CUBN: variants seen among roughly 807,000 people sequenced by gnomAD.
The protein encoded by CUBN is 460 kDa receptor.
In CUBN, 282 loss-of-function variants were observed where a neutral mutation model predicts 405.3. That is an observed-to-expected ratio of 0.70 (90% CI 0.63 to 0.77). The LOEUF (loss-of-function observed/expected upper bound fraction) is 0.77. Among genes scored for constraint, CUBN ranks in the 30% least tolerant of loss-of-function variants. The pLI, the probability that CUBN is intolerant of heterozygous loss-of-function variation, is 0.00. For synonymous variants in CUBN, 1,684 were observed against 1,617.0 expected, an observed-to-expected ratio of 1.04 and a Z score of -0.99; for missense variants, 4,514 against 4,475.2, an observed-to-expected ratio of 1.01 and a Z score of -0.25.
intron 59 of CUBN, among the ~76,000 whole-genome samples, chr10:16,862,811 T>C (rs1246648706): frequency 6.6e-6 from 1 of 152,236 alleles, no homozygotes; most frequent in East Asian, 1.9e-4. Context: ...GGTCGCGTCT[T>C]GTGTTTTAGA....
chr10:16,933,879 G>A (rs905401754), intron 39 of CUBN, among the ~76,000 whole-genome samples: 2 of 152,100 alleles, frequency 1.3e-5, no homozygotes, highest in East Asian at 3.9e-4. Context: ...TGCCTTGCAC[G>A]GTTGTGATGT....
At chr10:16,918,980 T>C (rs1841964868) in intron 44 of CUBN, among the ~76,000 whole-genome samples, 180 bp from the exon 45 acceptor site, 1 of 152,238 alleles carries the variant, frequency 6.6e-6, no homozygotes, top group Admixed American at 6.5e-5. Flanking sequence ...TTCCTAATAA[T>C]ACATTCTTTT....
At chr10:16,871,108 A>G (rs1840339781) in intron 58 of CUBN, among the ~76,000 whole-genome samples, 1 of 150,398 alleles carries the variant, frequency 6.6e-6, no homozygotes, top group South Asian at 2.1e-4. Flanking sequence ...GCTCACTGCA[A>G]CCTCTGCCTC....
At chr10:16,848,484 T>A (rs1404662991) in intron 60 of CUBN, among the ~76,000 whole-genome samples, 2 of 152,154 alleles carry the variant, frequency 1.3e-5, no homozygotes, top group African/African-American at 4.8e-5. Flanking sequence ...CCTTTCACAG[T>A]AGGTACTATT....
intron 64 of CUBN, among the ~76,000 whole-genome samples, chr10:16,834,569 C>A (rs538505738): frequency 6.6e-6 from 1 of 152,338 alleles, no homozygotes; most frequent in Non-Finnish European, 1.5e-5. Flanking sequence ...CCCAAACTTA[C>A]TGTAGCTGTC....
At chr10:16,837,792 C>T (rs955790390) in intron 62 of CUBN, among the ~76,000 whole-genome samples, 1 of 152,126 alleles carries the variant, frequency 6.6e-6, no homozygotes, top group Non-Finnish European at 1.5e-5. Context: ...CTACCCAGTC[C>T]GAAACCCTTG....
chr10:17,118,300 C>G (rs1836951429), intron 6 of CUBN, among the ~76,000 whole-genome samples: 1 of 152,086 alleles, frequency 6.6e-6, no homozygotes, highest in Non-Finnish European at 1.5e-5. Context: ...TTCCCAAAAC[C>G]ACAAAATGAA....
At chr10:16,985,361 C>T (rs1833387235) in intron 29 of CUBN, among the ~76,000 whole-genome samples, 1 of 152,190 alleles carries the variant, frequency 6.6e-6, no homozygotes, top group South Asian at 2.1e-4. Flanking sequence ...TCATCCACAG[C>T]ACAGCGAAAC....
chr10:17,066,607 C>A (rs1392696724), intron 21 of CUBN, among the ~76,000 whole-genome samples: 1 of 151,674 alleles, frequency 6.6e-6, no homozygotes, highest in East Asian at 1.9e-4. Flanking sequence ...TCGTATATGC[C>A]CATGTATATG....
chr10:16,944,302 T>A (rs1411861539), intron 36 of CUBN, among the ~76,000 whole-genome samples: 2 of 152,230 alleles, frequency 1.3e-5, no homozygotes, highest in Non-Finnish European at 2.9e-5. Context: ...GAAAACAATT[T>A]ACCATATTCA....
intron 48 of CUBN, among the ~76,000 whole-genome samples, chr10:16,912,189 A>G (rs780855): frequency 0.72 from 109,675 of 152,098 alleles, 39,977 homozygotes; most frequent in Middle Eastern, 0.82. Flanking sequence ...AAGGTTGAAT[A>G]AGATCATTTT....
chr10:17,045,654 G>T (rs1835116153), intron 24 of CUBN, among the ~76,000 whole-genome samples: 1 of 152,118 alleles, frequency 6.6e-6, no homozygotes, highest in Admixed American at 6.5e-5. Flanking sequence ...CAAAGTGTTT[G>T]TGAGTACAGG....
chr10:17,085,963 G>C, intron 15 of CUBN, among the ~76,000 whole-genome samples: 1 of 135,260 alleles, frequency 7.4e-6, no homozygotes, highest in East Asian at 2.1e-4. Flanking sequence ...CTCTCTGTCT[G>C]AATTTTTTTT....
intron 18 of CUBN, 56 bp from the exon 19 acceptor site, chr10:17,071,660 AT>A: frequency 6.4e-7 from 1 of 1,562,298 alleles, no homozygotes; most frequent in Non-Finnish European, 8.8e-7. Flanking sequence ...TTTTATCTCA[AT>A]TTTATTGCAA....
At chr10:17,090,640 C>A (rs1260712136) in intron 14 of CUBN, among the ~76,000 whole-genome samples, 1 of 151,876 alleles carries the variant, frequency 6.6e-6, no homozygotes, top group Non-Finnish European at 1.5e-5. Flanking sequence ...TCAAGCAAAA[C>A]ATATTTTAAA....
At chr10:17,054,461 A>C (rs1397712517) in intron 22 of CUBN, among the ~76,000 whole-genome samples, 2 of 152,122 alleles carry the variant, frequency 1.3e-5, no homozygotes, top group African/African-American at 4.8e-5. Flanking sequence ...AATTAAATGA[A>C]ATAATATAAG....
chr10:17,061,699 T>C (rs1229324587), intron 22 of CUBN, among the ~76,000 whole-genome samples: 2 of 152,164 alleles, frequency 1.3e-5, no homozygotes, highest in Non-Finnish European at 2.9e-5. Flanking sequence ...TCTCTAATCC[T>C]GTGTTGTTGT....
At chr10:17,078,455 G>C (rs143799825) in intron 17 of CUBN, among the ~76,000 whole-genome samples, 12 of 152,254 alleles carry the variant, frequency 7.9e-5, no homozygotes, top group African/African-American at 2.9e-4. Flanking sequence ...GCCATACAAA[G>C]ACCCTTGAGA....
Position 16,933,230 on chromosome 10 carries a change from G to T in CUBN, c.5981C>A (p.Pro1994Gln), listed in dbSNP as rs371301211. Residue 1994 changes from proline (P) to glutamine (Q), a missense_variant, in exon 40 of 67, where the codon CCG becomes CAG. Physicochemically the swap from Pro to Gln is moderately conservative, Grantham distance 76 (BLOSUM62 -1). Around this residue, in one of 5 missense-constraint regions of CUBN, gnomAD observed 1,613 missense variants for 1,542.8 expected, o/e 1.05. Transcript: ENST00000377833. ...ATTACTGTAACTGTCAGGCCAGCCC[G>T]GGGAGAAGAGAAACACGGGTGCATC... Reference protein sequence around the residue: ...TGDAPVFLFSPGWPDSYSNRV... With the variant: ...TGDAPVFLFSQGWPDSYSNRV... The T allele has an allele frequency of 6.2e-7, 1 of 1,613,970 alleles. No homozygotes were observed. The highest frequency in any genetic ancestry group is 1.7e-5 in the Admixed American group (1 of 59,998).
Sources: gnomAD v4.1 joint callset for allele counts (sites outside exome capture counted in the v4.1 genomes callset) on GRCh38, gnomAD v4.1.1 for gene constraint, gnomAD v4.1.1 regional missense constraint, MANE v1.5 for transcripts, NCBI Gene and HGNC (gene_info 2026-07-23, HGNC 2026-07-21) for gene names.